SLC12A5: variants seen among roughly 807,000 people sequenced by gnomAD.
SLC12A5 encodes solute carrier family 12 member 5.
SLC12A5 carries 18 observed loss-of-function variants against 124.0 expected under a neutral mutation model. The ratio of observed to expected loss-of-function variants is 0.15; its 90% CI spans 0.10 to 0.22. The LOEUF is 0.22. SLC12A5 is among the 10% of genes least tolerant of loss of function. The pLI is 1.00. For missense variants in SLC12A5, 867 were observed against 1,478.7 expected (o/e 0.59, Z 6.78); for synonymous variants, 589 against 568.0 (o/e 1.04, Z -0.53).
chr20:46,027,168 C>A (rs7347781), upstream of SLC12A5, among the ~76,000 whole-genome samples: 201 of 152,312 alleles, frequency 1.3e-3, no homozygotes, highest in African/African-American at 4.5e-3. Flanking sequence ...ACACTGGCTT[C>A]TTTTAACCTC....
rs147982734 is a variant in SLC12A5, at chr20:46,053,158, G to A, written c.2547+32G>A. The A allele has an allele frequency of 3.1e-4, 499 of 1,592,454 alleles. 2 individuals carry two copies. The African/African-American group carries it at 5.6e-3, about 18-fold the overall frequency. On this transcript the variant is annotated intron_variant, in intron 19 of 25. Coordinates refer to ENST00000243964, the MANE Select transcript of SLC12A5 (RefSeq NM_020708.5). The surrounding 1 kb of genome is among the most constrained non-coding windows in gnomAD (Gnocchi z 4.7). ...TGTGTGCGTGAGTGTATGCACGTGTGAGTGTGTGTATGCATGTATGCATTT... is the reference window on the plus strand; with the variant it reads ...TGTGTGCGTGAGTGTATGCACGTGTAAGTGTGTGTATGCATGTATGCATTT...
chr20:46,044,727 T>A (rs1022678012), intron 11 of SLC12A5: 1 of 535,546 alleles, frequency 1.9e-6, no homozygotes, highest in Non-Finnish European at 3.3e-6. Flanking sequence ...GTGGGGGACG[T>A]GGGGCTGGGA....
intron 1 of SLC12A5, among the ~76,000 whole-genome samples, chr20:46,033,259 C>T (rs1175239613): frequency 6.6e-6 from 1 of 152,090 alleles, no homozygotes; most frequent in African/African-American, 2.4e-5. Context: ...TGTCAGCCAT[C>T]GAGGGGACAG....
At chr20:46,023,289 A>G (rs561045131) in intron 2 of SLC12A5, 104 of 398,488 alleles carry the variant, frequency 2.6e-4, no homozygotes, top group African/African-American at 2.1e-3. Context: ...TCTCATTTTC[A>G]TGAATGACCT....
chr20:46,036,141 G>A (rs937393903), intron 4 of SLC12A5: 3 of 505,016 alleles, frequency 5.9e-6, no homozygotes, highest in African/African-American at 5.7e-5. Context: ...CTCTCTGTGT[G>A]TAATTACACA....
intron 6 of SLC12A5, among the ~76,000 whole-genome samples, chr20:46,038,771 C>T (rs1478738499): frequency 6.6e-6 from 1 of 152,186 alleles, no homozygotes; most frequent in Non-Finnish European, 1.5e-5. Flanking sequence ...ATTCACCAAA[C>T]GCCTACTTCT....
At chr20:46,055,521 G>GATCTTCTAT (rs879649291) in intron 21 of SLC12A5, among the ~76,000 whole-genome samples, 2 of 152,102 alleles carry the variant, frequency 1.3e-5, no homozygotes, top group African/African-American at 2.4e-5. Flanking sequence ...AGATCTTCTA[G>GATCTTCTAT]GTGTGGGTGA....
At position 46,053,154 on chromosome 20, in the gene SLC12A5, G is replaced by A. The variant is rs757070605; in HGVS notation, c.2547+28G>A. ...GAGTTGTGTGCGTGAGTGTATGCACGTGTGAGTGTGTGTATGCATGTATGC... is the reference window on the plus strand; with the variant it reads ...GAGTTGTGTGCGTGAGTGTATGCACATGTGAGTGTGTGTATGCATGTATGC... On this transcript the variant is annotated intron_variant, in intron 19 of 25. Transcript: ENST00000243964. The surrounding 1 kb of genome is among the most constrained non-coding windows in gnomAD (Gnocchi z 4.7). 1.4e-5 allele frequency: 22 copies of A among 1,591,794 alleles called. No homozygotes were observed. In the East Asian group the frequency reaches 2.0e-4, roughly 15 times the overall value.
chr20:46,048,135 A>C, intron 16 of SLC12A5, 50 bp downstream of exon 16: 1 of 1,506,800 alleles, frequency 6.6e-7, no homozygotes, highest in Non-Finnish European at 9.1e-7. Flanking sequence ...GCATGAGTGC[A>C]AGGCTCAGGA....
chr20:46,036,913 G>C (rs1308271787), intron 5 of SLC12A5, 118 bp downstream of exon 5: 1 of 1,344,268 alleles, frequency 7.4e-7, no homozygotes, highest in African/African-American at 1.4e-5. Flanking sequence ...AGGGGGCTGG[G>C]CTGTATCTGT....
At chr20:46,030,884 G>GCCCTCT (rs1254625785) in intron 1 of SLC12A5, among the ~76,000 whole-genome samples, 1 of 151,476 alleles carries the variant, frequency 6.6e-6, no homozygotes, top group Admixed American at 6.6e-5. Context: ...CTCCTAGCTG[G>GCCCTCT]CCCTCTCATC....
chr20:46,038,046 G>A (rs1377969338), intron 6 of SLC12A5, among the ~76,000 whole-genome samples: 1 of 152,206 alleles, frequency 6.6e-6, no homozygotes, highest in East Asian at 1.9e-4. Flanking sequence ...TTCCTGTAGG[G>A]CATGGGTGCT....
intron 8 of SLC12A5, 107 bp from the exon 9 acceptor site, chr20:46,043,046 G>A (rs748576887): frequency 1.4e-5 from 15 of 1,046,076 alleles, no homozygotes; most frequent in Non-Finnish European, 1.9e-5. Context: ...GGGAGAGTGA[G>A]ATGGGGTTGA....
At chr20:46,043,780 G>A (rs375528671) in intron 10 of SLC12A5, 49 bp downstream of exon 10, 19 of 1,612,680 alleles carry the variant, frequency 1.2e-5, no homozygotes, top group Non-Finnish European at 1.4e-5. Flanking sequence ...GGGCAAGAGG[G>A]AGGGCAGCTG....
At chr20:46,024,141 CTGTGTGTG>C (rs3222615), downstream of SLC12A5, among the ~76,000 whole-genome samples, 6 of 147,740 alleles carry the variant, frequency 4.1e-5, no homozygotes, top group South Asian at 2.2e-4. Context: ...GTGGCAGAGG[CTGTGTGTG>C]TGTGTGTGTG....
upstream of SLC12A5, among the ~76,000 whole-genome samples, chr20:46,026,243 G>A (rs535593063): frequency 6.6e-6 from 1 of 152,320 alleles, no homozygotes; most frequent in Non-Finnish European, 1.5e-5. Context: ...TATGGTGGGA[G>A]GGGGTATGAG....
intron 6 of SLC12A5, 76 bp downstream of exon 6, chr20:46,037,461 T>C: frequency 6.8e-7 from 1 of 1,465,118 alleles, no homozygotes; most frequent in Non-Finnish European, 9.1e-7. Context: ...ACACCTCCTA[T>C]AGGCCAGGCC....
At chr20:46,041,613 G>T in intron 8 of SLC12A5, 73 bp downstream of exon 8, 1 of 1,492,092 alleles carries the variant, frequency 6.7e-7, no homozygotes, top group South Asian at 1.2e-5. Flanking sequence ...AGGATTAAGG[G>T]GCCCTCCTTG....
At chr20:46,025,469 C>T (rs1281486187), upstream of SLC12A5, among the ~76,000 whole-genome samples, 1 of 152,156 alleles carries the variant, frequency 6.6e-6, no homozygotes. Flanking sequence ...CTCTTTCTCT[C>T]TCATCCCCCT....
Sources: gnomAD v4.1 joint callset for allele counts (sites outside exome capture counted in the v4.1 genomes callset) on GRCh38, gnomAD v4.1.1 for gene constraint, Gnocchi (gnomAD v3.1) non-coding constraint, MANE v1.5 for transcripts, NCBI Gene and HGNC (gene_info 2026-07-23, HGNC 2026-07-21) for gene names.